Variants in CERS1 observed in about 807,000 individuals in gnomAD.
CERS1 encodes Embryonic growth/differentiation factor 1.
CERS1 carries 16 observed loss-of-function variants against 35.7 expected under a neutral mutation model. That is an observed-to-expected ratio of 0.45 (90% CI 0.30 to 0.68). The LOEUF is 0.68. Among genes scored for constraint, CERS1 ranks in the 30% least tolerant of loss-of-function variants. The pLI, the probability that CERS1 is intolerant of heterozygous loss-of-function variation, is 0.08. For missense variants in CERS1, 454 were observed against 453.9 expected, an observed-to-expected ratio of 1.00 and a Z score of 0.00; for synonymous variants, 243 against 201.6, an observed-to-expected ratio of 1.21 and a Z score of -1.74.
In CERS1 at chr19:18,870,624, G is replaced by T; in HGVS notation, c.1011-5C>A. Reference sequence around the variant, plus strand: ...AGGCCGTTCCTCAGTGGCTTCCTGGGGGTCAGAACCGGCGCAGGTTAGCCT... The same window carrying T: ...AGGCCGTTCCTCAGTGGCTTCCTGGTGGTCAGAACCGGCGCAGGTTAGCCT... On this transcript the variant is annotated splice_region_variant and splice_polypyrimidine_tract_variant and intron_variant, in intron 6 of 7. Transcript: ENST00000623882. The surrounding 1 kb of genome is among the most constrained non-coding windows in gnomAD (Gnocchi z 5.1). 1.7e-6 allele frequency: 1 copy of T among 572,882 alleles called. No homozygotes were observed. The highest frequency in any genetic ancestry group is 3.1e-5 in the East Asian group (1 of 32,530). 35.5% of individuals were successfully genotyped at this position (572,882 alleles called of 1,614,324 possible). A position where few individuals can be genotyped will look rare whatever the true frequency, so the allele number is the denominator to read the frequency against.
At position 18,870,687 on chromosome 19, in the gene CERS1, T is replaced by C. The variant is rs1167568823; in HGVS notation, c.1011-68A>G. ...CGGCCGCCTGGCCCTCTTTCCCGCT[T>C]CTTCTCTGGCCGTTTCACACCCCCT... On this transcript the variant is annotated intron_variant, in intron 6 of 7. Coordinates refer to ENST00000623882, the MANE Select transcript of CERS1 (RefSeq NM_021267.5). This position sits in a 1 kb window ranked among gnomAD's most constrained non-coding sequence, Gnocchi z 5.1. The C allele has an allele frequency of 2.0e-6, 1 of 507,062 alleles. No individual in the cohort carries two copies. The highest frequency in any genetic ancestry group is 3.6e-6 in the Non-Finnish European group (1 of 279,958). The allele number at this position is 507,062 out of a possible 1,614,324, so 31.4% of individuals were successfully genotyped here. A position where few individuals can be genotyped will look rare whatever the true frequency, so the allele number is the denominator to read the frequency against.
Position 18,878,803 on chromosome 19 carries a change from G to A in CERS1, c.1010+127C>T. The A allele has an allele frequency of 6.8e-7, 1 of 1,480,912 alleles. No homozygotes were observed. 91.7% of individuals were successfully genotyped at this position (1,480,912 alleles called of 1,614,324 possible). A position where few individuals can be genotyped will look rare whatever the true frequency, so the allele number is the denominator to read the frequency against. On this transcript the variant is annotated intron_variant, in intron 6 of 7. Transcript: ENST00000623882. This position sits in a 1 kb window ranked among gnomAD's most constrained non-coding sequence, Gnocchi z 4.6. The stretch of plus-strand genomic sequence containing the variant: ...CCTTTATTGCAGTCTCTGTTTTGGA[G>A]TAGGCTTGGGGGGCAGCATCCGCGT...
chr19:18,895,524 A>T lies in CERS1; in HGVS notation c.249+300T>A, dbSNP rs1229900191. ...TGCCTCGGTCCCCCACGTCTCAAAC[A>T]TCCCACCTGTCTCGGGCCCCCCATG... is the stretch of plus-strand genomic sequence containing the variant. On this transcript the variant is annotated intron_variant, in intron 1 of 7. Coordinates refer to ENST00000623882, the MANE Select transcript of CERS1 (RefSeq NM_021267.5). The surrounding 1 kb of genome is among the most constrained non-coding windows in gnomAD (Gnocchi z 6.4). 6.6e-6 allele frequency among the ~76,000 whole-genome samples: 1 copy of T among 151,004 alleles called. No homozygotes were observed. The highest frequency in any genetic ancestry group is 1.5e-5 in the Non-Finnish European group (1 of 67,716).
intron 3 of CERS1, chr19:18,883,001 T>C (rs1251651342): frequency 6.6e-6 from 1 of 152,186 alleles, no homozygotes; most frequent in Non-Finnish European, 1.5e-5. Context: ...TAAAAATTTA[T>C]TTATTAGAGA....
rs530013840 is a variant in CERS1 at position 18,873,303 on chromosome 19, A to G, written c.1011-2684T>C. On this transcript the variant is annotated intron_variant, in intron 6 of 7. Coordinates refer to ENST00000623882, the MANE Select transcript of CERS1 (RefSeq NM_021267.5). Reference sequence around the variant, plus strand: ...AGCTGCGTGGCTAGGAGAGAAATGTAGGAGTCGGTGTGGATTAAGTGTGGG... The same window carrying G: ...AGCTGCGTGGCTAGGAGAGAAATGTGGGAGTCGGTGTGGATTAAGTGTGGG... 2.0e-5 allele frequency among the ~76,000 whole-genome samples: 3 copies of G among 152,248 alleles called. No individual in the cohort carries two copies. The East Asian group carries it at 5.8e-4, about 29-fold the overall frequency.
intron 6 of CERS1, among the ~76,000 whole-genome samples, chr19:18,874,288 T>C (rs4808866): frequency 0.89 from 136,016 of 152,172 alleles, 60,848 homozygotes; most frequent in Admixed American, 0.91. Flanking sequence ...CAGATGTAGG[T>C]GCTGAAGTTC....
chr19:18,876,987 T>C (rs1238764624), intron 6 of CERS1, among the ~76,000 whole-genome samples: 1 of 152,208 alleles, frequency 6.6e-6, no homozygotes, highest in Non-Finnish European at 1.5e-5. Context: ...CTGATTCCCA[T>C]GATCTTGACA....
chr19:18,883,578 C>A (rs2056268898), intron 3 of CERS1, among the ~76,000 whole-genome samples: 1 of 152,166 alleles, frequency 6.6e-6, no homozygotes, highest in Non-Finnish European at 1.5e-5. Flanking sequence ...AAGATATTTT[C>A]ACTCGTTTGT....
rs2145990111 is a variant in CERS1, at chr19:18,870,435, G to T, written c.*142C>A. On this transcript the variant is annotated 3_prime_UTR_variant, in exon 7 of 8. Transcript: ENST00000623882. The surrounding 1 kb of genome is among the most constrained non-coding windows in gnomAD (Gnocchi z 5.1). ...GGGGCGTGGCCGGGAACTGGAGGCA[G>T]GATGAGGGGGCGGGGTCCCAGGGGA... 1.0e-6 allele frequency: 1 copy of T among 977,590 alleles called. No homozygotes were observed. The allele number at this position is 977,590 out of a possible 1,614,324, so 60.6% of individuals were successfully genotyped here.
chr19:18,891,316 GCAGGAAA>G (rs2056485510), intron 2 of CERS1, among the ~76,000 whole-genome samples: 2 of 152,136 alleles, frequency 1.3e-5, no homozygotes, highest in South Asian at 4.1e-4. Context: ...CCATCACATG[GCAGGAAA>G]CAGCTATCAT....
upstream of CERS1, among the ~76,000 whole-genome samples, chr19:18,896,924 CGG>C (rs34047779): frequency 3.8e-5 from 5 of 132,090 alleles, no homozygotes; most frequent in Admixed American, 7.5e-5. The surrounding 1 kb of genome is among the most constrained non-coding windows in gnomAD (Gnocchi z 5.9). Flanking sequence ...CTGGGGAACC[CGG>C]GGGGGGGGCT....
At chr19:18,880,511 G>T in intron 3 of CERS1, 76 bp from the exon 4 acceptor site, 1 of 1,413,188 alleles carries the variant, frequency 7.1e-7, no homozygotes, top group East Asian at 2.5e-5. Flanking sequence ...GCCCCCAGCA[G>T]AGTCCCTGGG....
At position 18,868,827 on chromosome 19, in the gene CERS1, G is replaced by A. The variant is rs1466604623; in HGVS notation, c.*1158C>T. The A allele has an allele frequency of 1.4e-6, 2 of 1,456,056 alleles. No individual in the cohort carries two copies. The highest frequency in any genetic ancestry group is 4.3e-5 in the Admixed American group (2 of 46,700). The allele number at this position is 1,456,056 out of a possible 1,614,324, so 90.2% of individuals were successfully genotyped here. A position where few individuals can be genotyped will look rare whatever the true frequency, so the allele number is the denominator to read the frequency against. On this transcript the variant is annotated 3_prime_UTR_variant, in exon 8 of 8. Coordinates refer to ENST00000623882, the MANE Select transcript of CERS1 (RefSeq NM_021267.5). Reference sequence around the variant, plus strand: ...GCGACGGGCAGCGCGCACTGACCCTGGCAGTAGTTGGCCAGGAAGCCGCGC... The same window carrying A: ...GCGACGGGCAGCGCGCACTGACCCTAGCAGTAGTTGGCCAGGAAGCCGCGC...
In CERS1 at chr19:18,870,452, C is replaced by G; in HGVS notation, c.*125G>C. On this transcript the variant is annotated 3_prime_UTR_variant, in exon 7 of 8. Coordinates refer to ENST00000623882, the MANE Select transcript of CERS1 (RefSeq NM_021267.5). The surrounding 1 kb of genome is among the most constrained non-coding windows in gnomAD (Gnocchi z 5.1). ...TGGAGGCAGGATGAGGGGGCGGGGT[C>G]CCAGGGGAGGTGGCGGCGGCCCTAG... 1.2e-6 allele frequency: 1 copy of G among 834,298 alleles called. No individual in the cohort carries two copies. The allele number at this position is 834,298 out of a possible 1,614,324, so 51.7% of individuals were successfully genotyped here.
chr19:18,869,451 C>G (rs973806207), intron 7 of CERS1, 61 bp from the exon 8 acceptor site: 2 of 1,499,946 alleles, frequency 1.3e-6, no homozygotes, highest in African/African-American at 2.8e-5. Context: ...CATGGGGTCT[C>G]GGTTAGGGAC....
intron 6 of CERS1, among the ~76,000 whole-genome samples, chr19:18,871,647 G>A (rs777550275): frequency 1.3e-5 from 2 of 152,194 alleles, no homozygotes; most frequent in Non-Finnish European, 2.9e-5. Context: ...GCCTCCCAAA[G>A]GGCTTCTGTC....
In CERS1 at chr19:18,868,592, C is replaced by T; in HGVS notation, c.*1393G>A. On this transcript the variant is annotated 3_prime_UTR_variant, in exon 8 of 8. Coordinates refer to ENST00000623882, the MANE Select transcript of CERS1 (RefSeq NM_021267.5). The stretch of plus-strand genomic sequence containing the variant: ...TGTTGGGCCCGCGTCCCTGCCCGCC[C>T]CGGGTTAGCGGCAGCCGCACTCGTC... The T allele has an allele frequency of 1.3e-6, 2 of 1,552,424 alleles. No homozygotes were observed. Among genetic ancestry groups the T allele is most frequent in the Non-Finnish European group, 1.7e-6 (2 of 1,146,814 alleles).
intron 2 of CERS1, among the ~76,000 whole-genome samples, chr19:18,887,356 G>A (rs1433358029): frequency 1.3e-5 from 2 of 152,186 alleles, no homozygotes; most frequent in Non-Finnish European, 2.9e-5. Flanking sequence ...TGGGGGAGAG[G>A]ACTGGTGAGT....
intron 3 of CERS1, among the ~76,000 whole-genome samples, chr19:18,881,208 C>CT (rs1196828217): frequency 1.8e-4 from 26 of 146,976 alleles, no homozygotes; most frequent in South Asian, 8.7e-4. Context: ...CATCAGGATC[C>CT]TTTTTTTTTT....
Sources: gnomAD v4.1 joint callset for allele counts (sites outside exome capture counted in the v4.1 genomes callset) on GRCh38, gnomAD v4.1.1 for gene constraint, Gnocchi (gnomAD v3.1) non-coding constraint, MANE v1.5 for transcripts, NCBI Gene and HGNC (gene_info 2026-07-23, HGNC 2026-07-21) for gene names.